Variants in PZP observed in about 807,000 individuals in gnomAD.
PZP encodes PZP alpha-2-macroglobulin like.
PZP carries 150 observed loss-of-function variants against 179.8 expected under a neutral mutation model. That is an observed-to-expected ratio of 0.83 (90% CI 0.73 to 0.96). The LOEUF (loss-of-function observed/expected upper bound fraction) is 0.96, where lower values mean the gene tolerates loss of function less well. Among genes scored for constraint, PZP ranks in the 40% least tolerant of loss-of-function variants. The pLI is 0.00. For missense variants in PZP, 1,689 were observed against 1,764.0 expected (o/e 0.96, Z 0.76); for synonymous variants, 624 against 652.3 (o/e 0.96, Z 0.66).
In PZP at chr12:9,202,699, A is replaced by AT. The variant is rs1944234712; in HGVS notation, c.268-16dup. 1.2e-6 allele frequency: 2 copies of AT among 1,610,890 alleles called. No homozygotes were observed. The highest frequency in any genetic ancestry group is 1.7e-6 in the Non-Finnish European group (2 of 1,178,314). ...ATCCTTGGGAGCTAAAAAGCAAAGG[A>AT]TTTTTTACTACTGAGGAACTGTGCA... On this transcript the variant is annotated splice_polypyrimidine_tract_variant and intron_variant, in intron 2 of 35. Coordinates refer to ENST00000261336, the MANE Select transcript of PZP (RefSeq NM_002864.3).
intron 26 of PZP, 109 bp downstream of exon 26, chr12:9,158,311 T>C (rs975589452): frequency 6.9e-7 from 1 of 1,441,380 alleles, no homozygotes; most frequent in African/African-American, 1.4e-5. Context: ...CCATCCCACA[T>C]CATCCAGGAC....
At chr12:9,144,338 G>A (rs951074606), downstream of PZP, among the ~76,000 whole-genome samples, 1 of 152,196 alleles carries the variant, frequency 6.6e-6, no homozygotes, top group Non-Finnish European at 1.5e-5. Flanking sequence ...GAGCCTCACA[G>A]TTCCCTTCAG....
chr12:9,180,425 G>C (rs1300321154), intron 15 of PZP, among the ~76,000 whole-genome samples: 1 of 152,102 alleles, frequency 6.6e-6, no homozygotes, highest in Non-Finnish European at 1.5e-5. Flanking sequence ...GTAACCAAAA[G>C]AGCATGGTAC....
intron 18 of PZP, 90 bp from the exon 19 acceptor site, chr12:9,165,457 G>T (rs1592472683): frequency 7.1e-7 from 1 of 1,417,646 alleles, no homozygotes; most frequent in Admixed American, 1.9e-5. Context: ...CTAACGTCAA[G>T]AACTGAATCC....
chr12:9,157,580 A>G (rs755599898), intron 27 of PZP, among the ~76,000 whole-genome samples, 187 bp downstream of exon 27: 6 of 152,364 alleles, frequency 3.9e-5, no homozygotes, highest in African/African-American at 1.4e-4. Context: ...GTTTTGATAC[A>G]TAGTCTATGG....
chr12:9,197,581 CAT>C (rs1358196211), intron 7 of PZP, among the ~76,000 whole-genome samples: 1 of 94,144 alleles, frequency 1.1e-5, no homozygotes, highest in East Asian at 2.5e-4. Flanking sequence ...TAATATATGA[CAT>C]AATATAATAT....
At chr12:9,150,969 C>A (rs1300886255) in intron 33 of PZP, among the ~76,000 whole-genome samples, 1 of 152,164 alleles carries the variant, frequency 6.6e-6, no homozygotes, top group African/African-American at 2.4e-5. Flanking sequence ...CAACCCTATT[C>A]TTTTGTAGTC....
intron 25 of PZP, among the ~76,000 whole-genome samples, 176 bp from the exon 26 acceptor site, chr12:9,158,752 C>CTTTT (rs200458490): frequency 5.4e-4 from 53 of 97,794 alleles, no homozygotes; most frequent in Non-Finnish European, 7.3e-4. Flanking sequence ...TTTTTCTTTT[C>CTTTT]TTTTCTTTTT....
intron 20 of PZP, 114 bp downstream of exon 20, chr12:9,164,019 C>T: frequency 7.2e-7 from 1 of 1,392,706 alleles, no homozygotes; most frequent in Non-Finnish European, 9.7e-7. Flanking sequence ...GGAAAAAAAA[C>T]TAACTTTATA....
rs930829724 is a variant in PZP at position 9,206,378 on chromosome 12, A to AT, written c.83+1880dup. On this transcript the variant is annotated intron_variant, in intron 1 of 35. Transcript: ENST00000261336. The stretch of plus-strand genomic sequence containing the variant: ...ACTATTTTATATGAGTTCAGTTAAT[A>AT]TTTTTTTAACAGATATTGAAATCAG... 7.9e-5 allele frequency among the ~76,000 whole-genome samples: 12 copies of AT among 152,088 alleles called. No individual in the cohort carries two copies. In the East Asian group the frequency reaches 1.3e-3, roughly 17 times the overall value.
chr12:9,140,223 T>G, the PZP span, among the ~76,000 whole-genome samples: 1 of 152,190 alleles, frequency 6.6e-6, no homozygotes, highest in African/African-American at 2.4e-5. Context: ...TGGAAAAGAT[T>G]AATTAGGCAG....
chr12:9,191,491 A>C (rs1021447940), intron 13 of PZP, among the ~76,000 whole-genome samples: 1 of 152,120 alleles, frequency 6.6e-6, no homozygotes, highest in African/African-American at 2.4e-5. Flanking sequence ...CTGAAAAATA[A>C]AAATTAAAAA....
chr12:9,180,814 C>T (rs1837066149), intron 15 of PZP, among the ~76,000 whole-genome samples, 169 bp downstream of exon 15: 3 of 152,208 alleles, frequency 2.0e-5, no homozygotes, highest in Admixed American at 6.5e-5. Context: ...TCTAATTAAA[C>T]TAAAGAGCTT....
the PZP span, among the ~76,000 whole-genome samples, chr12:9,141,683 A>G: frequency 1.3e-5 from 2 of 152,188 alleles, no homozygotes; most frequent in Non-Finnish European, 2.9e-5. Flanking sequence ...CCACATTCTC[A>G]TGCCTCCTTA....
At chr12:9,158,723 CT>C in intron 25 of PZP, 147 bp from the exon 26 acceptor site, 1 of 642,176 alleles carries the variant, frequency 1.6e-6, no homozygotes, top group Non-Finnish European at 2.3e-6. Context: ...TTCTTTTTAG[CT>C]TAGACATCTC....
At chr12:9,187,933 G>A (rs1429019153) in intron 13 of PZP, among the ~76,000 whole-genome samples, 1 of 152,238 alleles carries the variant, frequency 6.6e-6, no homozygotes, top group Non-Finnish European at 1.5e-5. Context: ...GTTGCTACCA[G>A]CCTGAAAACC....
Position 9,202,627 on chromosome 12 carries a change from G to A in PZP, c.325C>T (p.Pro109Ser). The A allele has an allele frequency of 6.2e-7, 1 of 1,614,026 alleles. No individual in the cohort carries two copies. Among genetic ancestry groups the A allele is most frequent in the Non-Finnish European group, 8.5e-7 (1 of 1,179,954 alleles). ...TTCCTCTTCCTGAAATCTTGCGTAG[G>A]CCCCTTTATCTGGATGCTAAGGAAT... ...VAFLSIQIKG[P>S]TQDFRKRNTV... Residue 109 changes from proline to serine, a missense_variant, in exon 3 of 36, where the codon CCT becomes TCT. Coordinates refer to ENST00000261336, the MANE Select transcript of PZP (RefSeq NM_002864.3).
chr12:9,157,293 C>T lies in PZP; in HGVS notation c.3432G>A (p.Gly1144=). 1 of 1,613,956 alleles carries T rather than the reference C, an allele frequency of 6.2e-7. No homozygotes were observed. Among genetic ancestry groups the T allele is most frequent in the Non-Finnish European group, 8.5e-7 (1 of 1,179,938 alleles). Residue 1144 remains glycine (G), a synonymous_variant, in exon 28 of 36, where the codon GGG becomes GGA. Transcript: ENST00000261336. The part of the protein sequence containing the change: ...LESAWNVAKE[G]THGSHVYTKA... ...TGGTGTAGACATGGCTCCCATGGGT[C>T]CCCTCCTTTGCTACATTCCAGGCTG...
At chr12:9,194,700 G>A (rs749216213) in intron 10 of PZP, among the ~76,000 whole-genome samples, 1 of 152,178 alleles carries the variant, frequency 6.6e-6, no homozygotes, top group African/African-American at 2.4e-5. Context: ...GCCTGACCTC[G>A]TGATCTGCCC....
Sources: gnomAD v4.1 joint callset for allele counts (sites outside exome capture counted in the v4.1 genomes callset) on GRCh38, gnomAD v4.1.1 for gene constraint, MANE v1.5 for transcripts, NCBI Gene and HGNC (gene_info 2026-07-23, HGNC 2026-07-21) for gene names.